Variants in NUP210L observed in about 807,000 individuals in gnomAD.
NUP210L encodes nuclear pore membrane glycoprotein 210-like.
In NUP210L, 74 loss-of-function variants were observed where a neutral mutation model predicts 208.5. That is an observed-to-expected ratio of 0.35 (90% confidence interval 0.29 to 0.43). The LOEUF is 0.43. NUP210L is among the 20% of genes least tolerant of loss of function. The pLI, the probability that NUP210L is intolerant of heterozygous loss-of-function variation, is 1.00. For synonymous variants in NUP210L, 780 were observed against 816.9 expected (o/e 0.95, Z 0.77); for missense variants, 1,843 against 2,289.4 (o/e 0.81, Z 3.98).
At chr1:154,069,372 C>G (rs1300571399) in intron 17 of NUP210L, among the ~76,000 whole-genome samples, 1 of 152,132 alleles carries the variant, frequency 6.6e-6, no homozygotes, top group Non-Finnish European at 1.5e-5. Context: ...ACAACCCCAT[C>G]AAAAAGTGGG....
intron 17 of NUP210L, among the ~76,000 whole-genome samples, chr1:154,063,157 T>A (rs762244653): frequency 2.6e-5 from 4 of 151,964 alleles, no homozygotes; most frequent in Non-Finnish European, 4.4e-5. Flanking sequence ...TGCAATACAG[T>A]GTGATAAGTG....
At chr1:154,058,718 G>A (rs375240090) in intron 20 of NUP210L, 25 bp from the exon 21 acceptor site, 25 of 1,609,028 alleles carry the variant, frequency 1.6e-5, no homozygotes, top group African/African-American at 1.3e-5. Flanking sequence ...ATGGTAGCTG[G>A]ATAAAGAAGC....
chr1:154,056,313 C>A (rs1653868745), intron 23 of NUP210L, among the ~76,000 whole-genome samples: 1 of 152,138 alleles, frequency 6.6e-6, no homozygotes, highest in African/African-American at 2.4e-5. Context: ...CACCACTACA[C>A]ATGTTTTTCC....
chr1:154,087,299 G>A (rs1306028387), intron 16 of NUP210L, among the ~76,000 whole-genome samples: 39 of 106,298 alleles, frequency 3.7e-4, no homozygotes, highest in African/African-American at 1.4e-3. Flanking sequence ...CAGCCTGGGC[G>A]AAAAGAATGA....
chr1:154,126,226 A>G, intron 10 of NUP210L, 97 bp downstream of exon 10: 1 of 993,644 alleles, frequency 1.0e-6, no homozygotes, highest in Non-Finnish European at 1.5e-6. Flanking sequence ...TCTGAAAGAT[A>G]AAGGTGGTAT....
intron 28 of NUP210L, among the ~76,000 whole-genome samples, chr1:154,028,579 T>A (rs1453480003): frequency 2.6e-5 from 4 of 152,100 alleles, no homozygotes; most frequent in African/African-American, 9.7e-5. Context: ...AGAGTGAAAC[T>A]CTGTCTCAAA....
At chr1:154,003,009 CT>C (rs34229994) in intron 35 of NUP210L, among the ~76,000 whole-genome samples, 412 of 133,418 alleles carry the variant, frequency 3.1e-3, no homozygotes, top group Non-Finnish European at 3.7e-3. Context: ...CCTTAGCTGT[CT>C]TTTTTTTTTT....
At chr1:154,127,194 T>C in intron 9 of NUP210L, 117 bp downstream of exon 9, 2 of 455,780 alleles carry the variant, frequency 4.4e-6, no homozygotes, top group Non-Finnish European at 7.8e-6. Flanking sequence ...TTTCCGAAGG[T>C]AAAAATCTAG....
intron 33 of NUP210L, 91 bp from the exon 34 acceptor site, chr1:154,012,461 G>A (rs1650981713): frequency 8.0e-7 from 1 of 1,256,750 alleles, no homozygotes; most frequent in Non-Finnish European, 1.1e-6. Flanking sequence ...TTAACCAAAA[G>A]TATCTGTTTC....
At chr1:154,006,964 A>AT (rs1650579325) in intron 35 of NUP210L, among the ~76,000 whole-genome samples, 1 of 114,842 alleles carries the variant, frequency 8.7e-6, no homozygotes, top group African/African-American at 3.1e-5. Context: ...ATATATATAT[A>AT]TATTTTTTTT....
At chr1:154,094,297 C>T (rs1656082048) in intron 15 of NUP210L, among the ~76,000 whole-genome samples, 1 of 150,872 alleles carries the variant, frequency 6.6e-6, no homozygotes, top group Admixed American at 6.6e-5. Flanking sequence ...ACAACAACAA[C>T]AACAACAAAA....
In NUP210L at chr1:154,027,461, C is replaced by T. The variant is rs750607639; in HGVS notation, c.3947+45G>A. The stretch of plus-strand genomic sequence containing the variant: ...CTATGTCAATGTTTTACTGAAAATA[C>T]TTAAGCTTAGATCCTGGCACTTCCT... On this transcript the variant is annotated intron_variant, in intron 29 of 39. Transcript: ENST00000368559. The T allele has an allele frequency of 2.3e-6, 3 of 1,332,092 alleles. No homozygotes were observed. In the Admixed American group the frequency reaches 5.8e-5, roughly 26 times the overall value. 82.5% of individuals were successfully genotyped at this position (1,332,092 alleles called of 1,614,324 possible).
rs1557915678 is a variant in NUP210L at position 154,015,957 on chromosome 1, A to AAAT, written c.4653+2975_4653+2976insATT. Among the ~76,000 whole-genome samples the AAAT allele has an allele frequency of 9.6e-4, 141 of 146,782 alleles. 2 individuals are homozygous for AAAT. Among genetic ancestry groups the AAAT allele is most frequent in the South Asian group, 2.1e-3 (10 of 4,730 alleles). ...ATAAATAAATAAATAAATAAATAAA[A>AAAT]ATAAAAAAAATAGATGGCTAGGTGC... On this transcript the variant is annotated intron_variant, in intron 33 of 39. Transcript: ENST00000368559.
At chr1:154,085,631 A>T (rs997615619) in intron 16 of NUP210L, among the ~76,000 whole-genome samples, 2 of 152,174 alleles carry the variant, frequency 1.3e-5, no homozygotes, top group Admixed American at 6.5e-5. Context: ...GACCCTAAAA[A>T]TTTATGTGGA....
intron 12 of NUP210L, among the ~76,000 whole-genome samples, chr1:154,105,390 G>A (rs1023405837): frequency 4.6e-5 from 7 of 151,598 alleles, no homozygotes; most frequent in African/African-American, 1.7e-4. Flanking sequence ...TCAGGAGGCT[G>A]AGGCATGAGA....
chr1:154,012,337 T>C (rs1324143469), exon 34 of NUP210L: 1 of 1,613,626 alleles, frequency 6.2e-7, no homozygotes, highest in Non-Finnish European at 8.5e-7. Context: ...AGGTCATAAC[T>C]GAGCATTAAT....
chr1:154,142,233 G>T (rs976429258), intron 3 of NUP210L, among the ~76,000 whole-genome samples: 1 of 149,504 alleles, frequency 6.7e-6, no homozygotes, highest in African/African-American at 2.5e-5. Context: ...AATTAACAAA[G>T]AAAGTGGCAA....
chr1:154,092,325 C>T lies in NUP210L; in HGVS notation c.2187+2610G>A, dbSNP rs186964475. Among the ~76,000 whole-genome samples, 973 of 150,964 alleles carry T rather than the reference C, an allele frequency of 6.4e-3. 6 individuals carry two copies. The highest frequency in any genetic ancestry group is 0.01 in the Non-Finnish European group (710 of 67,800). The stretch of plus-strand genomic sequence containing the variant: ...CGATCTCCTGACCTGGTGATCCGCC[C>T]GCCTCGTCCTCCCAAAGAGCTAGGA... On this transcript the variant is annotated intron_variant, in intron 15 of 39. Transcript: ENST00000368559.
At chr1:154,022,959 G>A (rs1012465032) in intron 31 of NUP210L, among the ~76,000 whole-genome samples, 163 bp downstream of exon 31, 2 of 151,990 alleles carry the variant, frequency 1.3e-5, no homozygotes, top group Non-Finnish European at 2.9e-5. Context: ...TTACAGGTGT[G>A]AGCCACCCAC....
Sources: gnomAD v4.1 joint callset for allele counts (sites outside exome capture counted in the v4.1 genomes callset) on GRCh38, gnomAD v4.1.1 for gene constraint, MANE v1.5 for transcripts, NCBI Gene and HGNC (gene_info 2026-07-23, HGNC 2026-07-21) for gene names.